The following CTNNB1 variants were observed in gnomAD, a reference collection of about 807,000 sequenced individuals.
CTNNB1 encodes catenin beta 1.
In CTNNB1, 6 loss-of-function variants were observed where a neutral mutation model predicts 82.5. The observed-to-expected ratio is 0.07, with a 90% CI of 0.04 to 0.14. The LOEUF is 0.14. CTNNB1 is among the 10% of genes least tolerant of loss of function. The probability of loss-of-function intolerance (pLI) is 1.00; values close to 1 mark genes in which losing one functional copy is unlikely to be tolerated. For missense variants in CTNNB1, 529 were observed against 980.4 expected (o/e 0.54, Z 6.15); for synonymous variants, 312 against 329.7 (o/e 0.95, Z 0.58).
chr3:41,218,396 T>C (rs148743659), intron 1 of CTNNB1, among the ~76,000 whole-genome samples: 50 of 152,336 alleles, frequency 3.3e-4, no homozygotes, highest in African/African-American at 1.2e-3. Context: ...TTCCTCCTTA[T>C]AGTTCTTCTT....
Position 41,225,271 on chromosome 3 carries a change from C to T in CTNNB1, c.496-63C>T, listed in dbSNP as rs2078147019. On this transcript the variant is annotated intron_variant, in intron 4 of 14. Transcript: ENST00000349496. This position sits in a 1 kb window ranked among gnomAD's most constrained non-coding sequence, Gnocchi z 5.3. ...AGTAAATGCTCAAGGGGAGTAGTTT[C>T]AGAATGTCTACCCAATACCAGTACT... is the stretch of plus-strand genomic sequence containing the variant. 5.0e-6 allele frequency: 8 copies of T among 1,613,598 alleles called. No homozygotes were observed. The South Asian group carries it at 8.8e-5, about 18-fold the overall frequency.
intron 1 of CTNNB1, among the ~76,000 whole-genome samples, chr3:41,214,392 G>GT (rs1368152457): frequency 5.4e-4 from 7 of 12,884 alleles, no homozygotes; most frequent in Non-Finnish European, 1.9e-3. Context: ...GGTCTTTATA[G>GT]TTAAAAAAAA....
chr3:41,225,848 A>T lies in CTNNB1; in HGVS notation c.923A>T (p.Asn308Ile). The T allele has an allele frequency of 6.2e-7, 1 of 1,613,322 alleles. No homozygotes were observed. The highest frequency in any genetic ancestry group is 8.5e-7 in the Non-Finnish European group (1 of 1,179,572). ...TDCLQILAYG[N>I]QESKLIILAS... ...TGCCTTCAAATTTTAGCTTATGGCA[A>T]CCAAGAAAGCAAGGTAAGAGAATTA... Residue 308 changes from asparagine to isoleucine, a missense_variant, in exon 6 of 15, where the codon AAC becomes ATC. This residue lies in a region of CTNNB1 where 411 missense variants were observed against 776.4 expected (regional missense o/e 0.53). Coordinates refer to ENST00000349496, the MANE Select transcript of CTNNB1 (RefSeq NM_001904.4). This position sits in a 1 kb window ranked among gnomAD's most constrained non-coding sequence, Gnocchi z 5.3.
At chr3:41,237,552 C>T (rs2078466630) in intron 13 of CTNNB1, 1 of 154,790 alleles carries the variant, frequency 6.5e-6, no homozygotes, top group African/African-American at 2.4e-5. Flanking sequence ...TAACTTTCTC[C>T]ACCTACCCCC....
At chr3:41,206,829 T>G (rs1439856045) in intron 1 of CTNNB1, among the ~76,000 whole-genome samples, 3 of 152,176 alleles carry the variant, frequency 2.0e-5, no homozygotes, top group African/African-American at 7.2e-5. Context: ...AGGAAAGTGC[T>G]GGGGTAGACC....
rs2125640126 is a variant in CTNNB1 at position 41,233,748 on chromosome 3, C to T, written c.1405C>T (p.Arg469Cys). ...DITEPAICALRHLTSRHQEAE... is the reference protein window; with the variant it reads ...DITEPAICALCHLTSRHQEAE... ...CACTGAGCCTGCCATCTGTGCTCTTCGTCATCTGACCAGCCGACACCAAGA... is the reference window on the plus strand; with the variant it reads ...CACTGAGCCTGCCATCTGTGCTCTTTGTCATCTGACCAGCCGACACCAAGA... The change falls in exon 9 of 15, where the codon CGT becomes TGT. Residue 469 changes from arginine (R) to cysteine (C), a missense_variant. By Grantham distance (180) the Arg-to-Cys change is radical. Coordinates refer to ENST00000349496, the MANE Select transcript of CTNNB1 (RefSeq NM_001904.4). The T allele has an allele frequency of 6.2e-7, 1 of 1,614,024 alleles. No individual in the cohort carries two copies. The highest frequency in any genetic ancestry group is 1.3e-5 in the African/African-American group (1 of 75,020).
intron 1 of CTNNB1, among the ~76,000 whole-genome samples, chr3:41,210,432 C>T (rs1173034474): frequency 4.6e-5 from 7 of 152,030 alleles, no homozygotes; most frequent in East Asian, 1.9e-4. Context: ...CCAGTCTGGG[C>T]GACAGAGCGG....
chr3:41,232,397 C>T (rs895900213), intron 7 of CTNNB1, among the ~76,000 whole-genome samples: 8 of 152,190 alleles, frequency 5.3e-5, no homozygotes, highest in African/African-American at 1.9e-4. Flanking sequence ...TGATCTTTGT[C>T]TTGTAGGGAA....
rs2078445227 is a variant in CTNNB1, at chr3:41,236,715, G to A, written c.2076+6G>A. 8.7e-6 allele frequency: 14 copies of A among 1,613,952 alleles called. No homozygotes were observed. Among genetic ancestry groups the A allele is most frequent in the East Asian group, 2.2e-5 (1 of 44,900 alleles). On this transcript the variant is annotated splice_donor_region_variant and intron_variant, in intron 13 of 14. Coordinates refer to ENST00000349496, the MANE Select transcript of CTNNB1 (RefSeq NM_001904.4). The stretch of plus-strand genomic sequence containing the variant: ...AGCCAATGGCTTGGAATGAGGTAGG[G>A]AAATGTGAGCAGTTATTTATCTGGT...
intron 1 of CTNNB1, among the ~76,000 whole-genome samples, chr3:41,211,652 T>C (rs2077789365): frequency 6.6e-6 from 1 of 152,222 alleles, no homozygotes; most frequent in African/African-American, 2.4e-5. Context: ...TTAATTTGCT[T>C]ACAATAAATA....
Position 41,233,319 on chromosome 3 carries a change from T to C in CTNNB1, c.1082-22T>C, listed in dbSNP as rs1455691109. On this transcript the variant is annotated intron_variant, in intron 7 of 14. Transcript: ENST00000349496. ...CACTTCTAGCTAATGACTAGGGCCT[T>C]ATATCCTTTTTAATTTTCTAGGTGG... is the stretch of plus-strand genomic sequence containing the variant. The C allele has an allele frequency of 1.9e-6, 3 of 1,605,948 alleles. No homozygotes were observed. In the African/African-American group the frequency reaches 4.0e-5, roughly 21 times the overall value.
At chr3:41,230,875 A>C (rs931952278) in intron 7 of CTNNB1, among the ~76,000 whole-genome samples, 1 of 152,236 alleles carries the variant, frequency 6.6e-6, no homozygotes, top group African/African-American at 2.4e-5. Flanking sequence ...TGGGCTACAC[A>C]CCAAATACAC....
At chr3:41,202,446 A>T (rs937787554) in intron 1 of CTNNB1, among the ~76,000 whole-genome samples, 8 of 152,198 alleles carry the variant, frequency 5.3e-5, no homozygotes, top group Non-Finnish European at 1.2e-4. Flanking sequence ...TTTTGAAAAT[A>T]TGTGTTAACT....
chr3:41,237,867 G>T, intron 13 of CTNNB1, 149 bp from the exon 14 acceptor site: 1 of 702,472 alleles, frequency 1.4e-6, no homozygotes, highest in East Asian at 2.5e-5. Context: ...GTGGAGTTTT[G>T]AAGAACTTCC....
intron 14 of CTNNB1, among the ~76,000 whole-genome samples, chr3:41,238,669 A>AT (rs1399549262): frequency 6.6e-6 from 1 of 152,212 alleles, no homozygotes; most frequent in Non-Finnish European, 1.5e-5. Flanking sequence ...TTTCATGGAA[A>AT]TAGTGCCTTT....
intron 13 of CTNNB1, chr3:41,237,783 AT>A: frequency 2.0e-6 from 1 of 509,860 alleles, no homozygotes; most frequent in Non-Finnish European, 3.5e-6. Context: ...TTAATATAAT[AT>A]TTGTTGAAAG....
intron 1 of CTNNB1, among the ~76,000 whole-genome samples, chr3:41,205,573 G>T (rs2077631651): frequency 6.6e-6 from 1 of 152,124 alleles, no homozygotes; most frequent in Non-Finnish European, 1.5e-5. Flanking sequence ...CTGCTTGGAA[G>T]TCTGAAGCAT....
intron 7 of CTNNB1, among the ~76,000 whole-genome samples, chr3:41,233,042 G>A (rs1323006433): frequency 6.6e-6 from 1 of 152,172 alleles, no homozygotes; most frequent in African/African-American, 2.4e-5. Context: ...ATGATTGAAT[G>A]GATGAAAAGA....
intron 13 of CTNNB1, 152 bp downstream of exon 13, chr3:41,236,861 T>G: frequency 1.1e-6 from 1 of 939,308 alleles, no homozygotes. Flanking sequence ...GCAACTGCTC[T>G]GAGGAAGAAC....
Sources: allele counts gnomAD v4.1 joint callset (sites outside exome capture counted in the v4.1 genomes callset), GRCh38; gene constraint gnomAD v4.1.1; regional missense constraint gnomAD v4.1.1; non-coding constraint Gnocchi (gnomAD v3.1); transcripts MANE v1.5; gene names NCBI Gene and HGNC (gene_info 2026-07-23, HGNC 2026-07-21).